The following DRC11 variants were observed in gnomAD, a reference collection of about 807,000 sequenced individuals.
DRC11 encodes IQ and AAA domain-containing protein 1.
the DRC11 span, among the ~76,000 whole-genome samples, chr2:236,422,840 G>A: frequency 4.0e-5 from 6 of 151,448 alleles, no homozygotes; most frequent in South Asian, 2.1e-4. Flanking sequence ...CATGGTACTG[G>A]TACCAAAACA....
chr2:236,347,745 A>C, the DRC11 span, among the ~76,000 whole-genome samples: 1 of 151,962 alleles, frequency 6.6e-6, no homozygotes, highest in Admixed American at 6.6e-5. Flanking sequence ...GACTACAAAA[A>C]GGGTGCAGTG....
chr2:236,409,933 C>T, the DRC11 span, among the ~76,000 whole-genome samples: 2 of 152,182 alleles, frequency 1.3e-5, no homozygotes, highest in South Asian at 2.1e-4. Context: ...GTATATTGAA[C>T]CAGCCTTGCA....
chr2:236,501,254 G>A, the DRC11 span, among the ~76,000 whole-genome samples: 5 of 152,276 alleles, frequency 3.3e-5, no homozygotes, highest in East Asian at 1.9e-4. Flanking sequence ...ATCCACCTCC[G>A]TGATCCAATC....
chr2:236,399,473 AT>A, the DRC11 span: 1 of 1,613,834 alleles, frequency 6.2e-7, no homozygotes, highest in Non-Finnish European at 8.5e-7. The surrounding 1 kb of genome is among the most constrained non-coding windows in gnomAD (Gnocchi z 7.0). Context: ...GACATTTTCC[AT>A]TTTTCGTCTT....
the DRC11 span, chr2:236,408,580 T>G: frequency 1.4e-6 from 1 of 727,944 alleles, no homozygotes; most frequent in Non-Finnish European, 2.6e-6. The surrounding 1 kb of genome is among the most constrained non-coding windows in gnomAD (Gnocchi z 5.5). Flanking sequence ...TATGTGGGTG[T>G]GGCAGTGACA....
chr2:236,411,135 G>A, the DRC11 span, among the ~76,000 whole-genome samples: 11 of 148,502 alleles, frequency 7.4e-5, no homozygotes, highest in East Asian at 9.9e-4. Context: ...GAAAATTTTC[G>A]CAACCTACTC....
the DRC11 span, among the ~76,000 whole-genome samples, chr2:236,473,498 A>G: frequency 1.3e-5 from 2 of 152,234 alleles, no homozygotes; most frequent in Non-Finnish European, 2.9e-5. This position sits in a 1 kb window ranked among gnomAD's most constrained non-coding sequence, Gnocchi z 4.8. Flanking sequence ...ATGCGTTTAA[A>G]AGTGACAGGT....
the DRC11 span, among the ~76,000 whole-genome samples, chr2:236,473,332 G>C: frequency 9.9e-5 from 15 of 152,170 alleles, no homozygotes; most frequent in Non-Finnish European, 1.8e-4. This position sits in a 1 kb window ranked among gnomAD's most constrained non-coding sequence, Gnocchi z 4.8. Context: ...TCGGGAGAGG[G>C]CCACGCTCAT....
the DRC11 span, among the ~76,000 whole-genome samples, chr2:236,346,486 C>T: frequency 5.3e-5 from 8 of 152,224 alleles, no homozygotes; most frequent in Admixed American, 5.2e-4. Context: ...GGAGGCCAGG[C>T]TGGGGGCTAC....
chr2:236,432,419 C>T, the DRC11 span, among the ~76,000 whole-genome samples: 5 of 152,060 alleles, frequency 3.3e-5, no homozygotes, highest in South Asian at 2.1e-4. Context: ...AAAAGTTTTG[C>T]ATTTTGTTGA....
At chr2:236,388,129 G>T in the DRC11 span, among the ~76,000 whole-genome samples, 1 of 152,056 alleles carries the variant, frequency 6.6e-6, no homozygotes, top group Non-Finnish European at 1.5e-5. Flanking sequence ...TGAATCTCAC[G>T]ATTATGTGTC....
the DRC11 span, among the ~76,000 whole-genome samples, chr2:236,375,159 G>A: frequency 6.6e-6 from 1 of 152,068 alleles, no homozygotes; most frequent in African/African-American, 2.4e-5. This position sits in a 1 kb window ranked among gnomAD's most constrained non-coding sequence, Gnocchi z 4.2. Flanking sequence ...AATTCTACAT[G>A]AGGTTTGGTG....
chr2:236,465,372 G>C, the DRC11 span: 1 of 717,698 alleles, frequency 1.4e-6, no homozygotes, highest in Non-Finnish European at 2.3e-6. The surrounding 1 kb of genome is among the most constrained non-coding windows in gnomAD (Gnocchi z 6.2). Context: ...CTTAGCCTTG[G>C]CATTTCACGT....
At chr2:236,349,192 A>G in the DRC11 span, among the ~76,000 whole-genome samples, 1 of 152,102 alleles carries the variant, frequency 6.6e-6, no homozygotes, top group South Asian at 2.1e-4. The surrounding 1 kb of genome is among the most constrained non-coding windows in gnomAD (Gnocchi z 5.5). Flanking sequence ...ATTTCCTTCC[A>G]ACATGGCCTG....
At chr2:236,376,432 A>C in the DRC11 span, among the ~76,000 whole-genome samples, 1 of 152,252 alleles carries the variant, frequency 6.6e-6, no homozygotes, top group East Asian at 1.9e-4. The surrounding 1 kb of genome is among the most constrained non-coding windows in gnomAD (Gnocchi z 5.7). Context: ...ACTGTATATT[A>C]GGTAACAGTA....
chr2:236,436,126 T>G, the DRC11 span, among the ~76,000 whole-genome samples: 2,884 of 152,316 alleles, frequency 0.019, 89 homozygotes, highest in African/African-American at 0.065. Context: ...TATGGCAACA[T>G]TACTTTATAC....
the DRC11 span, among the ~76,000 whole-genome samples, chr2:236,441,715 A>C: frequency 1.3e-5 from 2 of 152,194 alleles, no homozygotes; most frequent in Non-Finnish European, 2.9e-5. Flanking sequence ...TGACTTTGAC[A>C]TGAATGTTAT....
chr2:236,434,056 C>T, the DRC11 span, among the ~76,000 whole-genome samples: 1 of 152,204 alleles, frequency 6.6e-6, no homozygotes, highest in Admixed American at 6.5e-5. This position sits in a 1 kb window ranked among gnomAD's most constrained non-coding sequence, Gnocchi z 5.5. Context: ...CGATGCGGTG[C>T]ATTCATAGAC....
the DRC11 span, among the ~76,000 whole-genome samples, chr2:236,456,461 C>T: frequency 6.6e-6 from 1 of 152,184 alleles, no homozygotes; most frequent in Non-Finnish European, 1.5e-5. The surrounding 1 kb of genome is among the most constrained non-coding windows in gnomAD (Gnocchi z 5.4). Flanking sequence ...ACCATCACAT[C>T]ACAAGACTGA....
Sources: allele counts gnomAD v4.1 joint callset (sites outside exome capture counted in the v4.1 genomes callset), GRCh38; gene constraint gnomAD v4.1.1; non-coding constraint Gnocchi (gnomAD v3.1); transcripts MANE v1.5; gene names NCBI Gene and HGNC (gene_info 2026-07-23, HGNC 2026-07-21).